Variants in PALLD observed in about 807,000 individuals in gnomAD.
PALLD encodes palladin.
A neutral mutation model predicts 123.5 loss-of-function variants in PALLD; 61 were observed. That is an observed-to-expected ratio of 0.49 (90% CI 0.40 to 0.61). PALLD has a LOEUF of 0.61. Among genes scored for constraint, PALLD ranks in the 20% least tolerant of loss-of-function variants. The pLI is 0.00. For synonymous variants in PALLD, 465 were observed against 496.4 expected, an observed-to-expected ratio of 0.94 and a Z score of 0.84; for missense variants, 1,273 against 1,377.0, an observed-to-expected ratio of 0.92 and a Z score of 1.20.
At position 168,829,546 on chromosome 4, in the gene PALLD, A is replaced by C. The variant is rs145847410; in HGVS notation, c.1965-61376A>C. On this transcript the variant is annotated intron_variant, in intron 10 of 21. Coordinates refer to ENST00000505667, the MANE Select transcript of PALLD (RefSeq NM_001166108.2). ...GCGTAACTTAAAAATCCATCAGATT[A>C]ATCCCATTATTGTGGAAATAAGGAA... Among the ~76,000 whole-genome samples, 52 of 152,334 alleles carry C rather than the reference A, an allele frequency of 3.4e-4. 1 individual carries two copies. The South Asian group carries it at 4.2e-3, about 12-fold the overall frequency.
chr4:168,591,156 G>A (rs756173998), intron 2 of PALLD, among the ~76,000 whole-genome samples: 3 of 152,164 alleles, frequency 2.0e-5, no homozygotes, highest in Non-Finnish European at 4.4e-5. Context: ...TGGGATTACA[G>A]GCGTGAGCCA....
intron 8 of PALLD, among the ~76,000 whole-genome samples, chr4:168,698,088 C>T (rs1783317704): frequency 1.3e-5 from 2 of 152,062 alleles, no homozygotes; most frequent in Admixed American, 1.3e-4. Context: ...GGAACTGGAG[C>T]TCATTATGTT....
In PALLD at chr4:168,676,786, A is replaced by G. The variant is rs980996160; in HGVS notation, c.1088-4546A>G. ...AGTAGAGATGGGGTTTCACCGTGTT[A>G]GCCAGGATGGTCTCGATCTCCTGAC... On this transcript the variant is annotated intron_variant, in intron 3 of 21. Transcript: ENST00000505667. Among the ~76,000 whole-genome samples the G allele has an allele frequency of 1.0e-4, 15 of 150,490 alleles. No individual in the cohort carries two copies. In the South Asian group the frequency reaches 1.7e-3, roughly 17 times the overall value.
At chr4:168,863,886 TG>T (rs1214191571) in intron 10 of PALLD, 2 of 152,340 alleles carry the variant, frequency 1.3e-5, no homozygotes, top group East Asian at 3.9e-4. Flanking sequence ...TTACTAATCT[TG>T]GTTTCCTGGT....
intron 2 of PALLD, among the ~76,000 whole-genome samples, chr4:168,592,550 T>C (rs1580469417): frequency 1.3e-5 from 2 of 152,154 alleles, no homozygotes; most frequent in East Asian, 3.9e-4. Context: ...TGTTAGAAGA[T>C]GCATGCAAAA....
At chr4:168,611,122 C>A (rs1580569202) in intron 2 of PALLD, among the ~76,000 whole-genome samples, 2 of 152,154 alleles carry the variant, frequency 1.3e-5, no homozygotes, top group Non-Finnish European at 2.9e-5. Flanking sequence ...GGGGACCAGG[C>A]CCTTCCTGGT....
intron 10 of PALLD, among the ~76,000 whole-genome samples, chr4:168,867,520 A>G (rs987315944): frequency 6.6e-6 from 1 of 152,192 alleles, no homozygotes; most frequent in Non-Finnish European, 1.5e-5. Context: ...AAAAACAGTC[A>G]AATAGTATAG....
intron 3 of PALLD, among the ~76,000 whole-genome samples, chr4:168,671,267 G>A (rs1477472269): frequency 2.6e-5 from 4 of 152,132 alleles, no homozygotes; most frequent in Non-Finnish European, 4.4e-5. Context: ...CTGTGTAAAA[G>A]CCTCTGAACT....
chr4:168,718,046 A>G (rs1785535013), intron 10 of PALLD, among the ~76,000 whole-genome samples: 1 of 152,140 alleles, frequency 6.6e-6, no homozygotes, highest in African/African-American at 2.4e-5. Context: ...ACCCCATCAG[A>G]TGCCAGACTT....
chr4:168,721,230 G>A (rs1785981476), intron 10 of PALLD, among the ~76,000 whole-genome samples: 1 of 152,116 alleles, frequency 6.6e-6, no homozygotes. Context: ...GTGCGTAGGA[G>A]AGCTCTTTTA....
chr4:168,868,901 C>G (rs1560823750), intron 10 of PALLD, among the ~76,000 whole-genome samples: 1 of 152,164 alleles, frequency 6.6e-6, no homozygotes, highest in Admixed American at 6.5e-5. Flanking sequence ...TCACCAAGTA[C>G]TGAAAATATC....
intron 11 of PALLD, among the ~76,000 whole-genome samples, chr4:168,892,015 T>C (rs897535369): frequency 2.6e-5 from 4 of 152,220 alleles, no homozygotes; most frequent in Non-Finnish European, 5.9e-5. Context: ...ATTTTACAGC[T>C]GCAGAACTGT....
Position 168,915,967 on chromosome 4 carries a change from C to T in PALLD, c.2790C>T (p.Phe930=). Reference sequence around the variant, plus strand: ...AGGAGCGATTCTTCAGACCTCACTTCTTGCAGGCTCCTGGAGATCTGACTG... The same window carrying T: ...AGGAGCGATTCTTCAGACCTCACTTTTTGCAGGCTCCTGGAGATCTGACTG... ...PIQERFFRPH[F]LQAPGDLTVQ... The change falls in exon 17 of 22, where the codon TTC becomes TTT. Residue 930 remains phenylalanine (F), a synonymous_variant. Transcript: ENST00000505667. 6.2e-7 allele frequency: 1 copy of T among 1,613,480 alleles called. No homozygotes were observed. The highest frequency in any genetic ancestry group is 8.5e-7 in the Non-Finnish European group (1 of 1,179,382).
chr4:168,803,410 A>G (rs1387419852), intron 10 of PALLD, among the ~76,000 whole-genome samples: 1 of 152,160 alleles, frequency 6.6e-6, no homozygotes, highest in Non-Finnish European at 1.5e-5. Context: ...ATCTAAAATA[A>G]AAGTTGAAAA....
chr4:168,797,833 C>T (rs190351777), intron 10 of PALLD, among the ~76,000 whole-genome samples: 13 of 151,992 alleles, frequency 8.6e-5, no homozygotes, highest in African/African-American at 2.7e-4. Context: ...TCAACCCCAC[C>T]CCCACCACCA....
Position 168,920,507 on chromosome 4 carries a change from G to A in PALLD, c.2851-1027G>A, listed in dbSNP as rs145237816. ...TAACTTCGTACTAGTAAAGTTGGGGGTAGGGGGTAAAAAGGCCTTCCTTAA... is the reference window on the plus strand; with the variant it reads ...TAACTTCGTACTAGTAAAGTTGGGGATAGGGGGTAAAAAGGCCTTCCTTAA... On this transcript the variant is annotated intron_variant, in intron 17 of 21. Coordinates refer to ENST00000505667, the MANE Select transcript of PALLD (RefSeq NM_001166108.2). Among the ~76,000 whole-genome samples the A allele has an allele frequency of 7.1e-4, 108 of 152,238 alleles. 3 individuals are homozygous for A. The highest frequency in any genetic ancestry group is 4.6e-4 in the Non-Finnish European group (31 of 68,002).
intron 2 of PALLD, among the ~76,000 whole-genome samples, chr4:168,656,071 G>T (rs1336341137): frequency 6.6e-6 from 1 of 152,112 alleles, no homozygotes; most frequent in African/African-American, 2.4e-5. Context: ...TGACAGCATT[G>T]TCTGATAAAG....
Position 168,862,368 on chromosome 4 carries a change from A to G in PALLD, c.1965-28554A>G, listed in dbSNP as rs559794553. Among the ~76,000 whole-genome samples the G allele has an allele frequency of 1.0e-3, 158 of 151,996 alleles. 1 individual carries two copies. Among genetic ancestry groups the G allele is most frequent in the African/African-American group, 3.8e-3 (156 of 41,450 alleles). On this transcript the variant is annotated intron_variant, in intron 10 of 21. Transcript: ENST00000505667. ...TCACTGTGTTGCCTAGGCTGGTCTC[A>G]AGATCTGGGCTCAAGTGATCCTCCC... is the stretch of plus-strand genomic sequence containing the variant.
chr4:168,580,886 T>A (rs1465924949), intron 2 of PALLD, among the ~76,000 whole-genome samples: 1 of 151,876 alleles, frequency 6.6e-6, no homozygotes, highest in African/African-American at 2.4e-5. Context: ...AGCCAAATAC[T>A]GCATGTTCTC....
Sources: gnomAD v4.1 joint callset for allele counts (sites outside exome capture counted in the v4.1 genomes callset) on GRCh38, gnomAD v4.1.1 for gene constraint, MANE v1.5 for transcripts, NCBI Gene and HGNC (gene_info 2026-07-23, HGNC 2026-07-21) for gene names.